Variants in E2F6 observed in about 807,000 individuals in gnomAD.
E2F6 encodes the protein E2F transcription factor 6, also known as transcription factor E2F6.
In E2F6, 19 loss-of-function variants were observed where a neutral mutation model predicts 31.5. The observed-to-expected ratio is 0.60, with a 90% confidence interval of 0.42 to 0.89. The LOEUF (loss-of-function observed/expected upper bound fraction) is 0.89. E2F6 is among the 40% of genes least tolerant of loss of function. The pLI is 0.00. For synonymous variants in E2F6, 121 were observed against 127.7 expected, an observed-to-expected ratio of 0.95 and a Z score of 0.36; for missense variants, 269 against 341.6, an observed-to-expected ratio of 0.79 and a Z score of 1.67.
Position 11,455,451 on chromosome 2 carries a change from TTC to T in E2F6, c.164-1655_164-1654del, listed in dbSNP as rs1671344764. 3.9e-6 allele frequency: 5 copies of T among 1,295,714 alleles called. 1 individual carries two copies. The South Asian group carries it at 6.3e-5, about 16-fold the overall frequency. 80.3% of individuals were successfully genotyped at this position (1,295,714 alleles called of 1,614,324 possible). Reference sequence around the variant, plus strand: ...GTACATATTTCATAATATAAATGTCTTCTCTCTGGAGCCCATTCCTACACTTA... The same window carrying T: ...GTACATATTTCATAATATAAATGTCTTCTCTGGAGCCCATTCCTACACTTA... On this transcript the variant is annotated intron_variant, in intron 2 of 6. Coordinates refer to ENST00000381525, the MANE Select transcript of E2F6 (RefSeq NM_198256.4).
chr2:11,456,877 G>A, intron 2 of E2F6: 2 of 327,982 alleles, frequency 6.1e-6, no homozygotes, highest in South Asian at 7.0e-5. Flanking sequence ...GCCTCTAACA[G>A]ATACCCTAAA....
chr2:11,452,448 A>G (rs1671128259), intron 3 of E2F6, among the ~76,000 whole-genome samples: 1 of 152,200 alleles, frequency 6.6e-6, no homozygotes. Context: ...TACTAAAAAT[A>G]CAAAAATTAG....
At chr2:11,465,123 A>G (rs1033214208) in intron 1 of E2F6, among the ~76,000 whole-genome samples, 2 of 143,274 alleles carry the variant, frequency 1.4e-5, no homozygotes, top group African/African-American at 5.2e-5. Context: ...GGTTGCAGTG[A>G]GCTGAGATTG....
intron 1 of E2F6, chr2:11,458,213 G>T: frequency 4.6e-6 from 7 of 1,526,502 alleles, no homozygotes; most frequent in South Asian, 1.2e-5. Flanking sequence ...TGGGGCAAGT[G>T]AATTCATAGG....
At chr2:11,452,958 G>A (rs1671163622) in intron 3 of E2F6, among the ~76,000 whole-genome samples, 1 of 152,050 alleles carries the variant, frequency 6.6e-6, no homozygotes, top group South Asian at 2.1e-4. Context: ...GTCTTTGCTG[G>A]TAGGTTTTCA....
intron 1 of E2F6, among the ~76,000 whole-genome samples, chr2:11,457,721 T>G (rs184528165): frequency 6.6e-6 from 1 of 152,342 alleles, no homozygotes; most frequent in East Asian, 1.9e-4. Flanking sequence ...TTGGGAAAGC[T>G]TAGTAGAGAT....
chr2:11,465,596 A>G (rs1348839413), intron 1 of E2F6, among the ~76,000 whole-genome samples, 176 bp downstream of exon 1: 10 of 152,242 alleles, frequency 6.6e-5, no homozygotes, highest in Admixed American at 3.9e-4. Flanking sequence ...CACGTCTGTG[A>G]GCAGATGCTG....
At chr2:11,447,178 G>T (rs1371976700) in intron 6 of E2F6, among the ~76,000 whole-genome samples, 2 of 152,200 alleles carry the variant, frequency 1.3e-5, no homozygotes, top group Non-Finnish European at 2.9e-5. Flanking sequence ...CAGAGGCGAC[G>T]TCCTTAGAAA....
chr2:11,459,328 T>C (rs1413141131), intron 1 of E2F6, among the ~76,000 whole-genome samples: 1 of 152,172 alleles, frequency 6.6e-6, no homozygotes, highest in Non-Finnish European at 1.5e-5. Flanking sequence ...CCATCTCATC[T>C]AGACAGTGGA....
intron 1 of E2F6, among the ~76,000 whole-genome samples, chr2:11,462,819 T>C (rs534569806): frequency 2.0e-5 from 3 of 152,172 alleles, no homozygotes; most frequent in Non-Finnish European, 2.9e-5. Flanking sequence ...TGGCAAGCAG[T>C]TTAAAACTAA....
At chr2:11,461,135 C>T (rs997461360) in intron 1 of E2F6, among the ~76,000 whole-genome samples, 2 of 152,122 alleles carry the variant, frequency 1.3e-5, no homozygotes, top group African/African-American at 4.8e-5. Context: ...AATTAATCCC[C>T]TTAGACAGGG....
chr2:11,454,221 CT>C (rs1202819430), intron 2 of E2F6, among the ~76,000 whole-genome samples: 1 of 152,138 alleles, frequency 6.6e-6, no homozygotes. Flanking sequence ...GAATTGGCGG[CT>C]TTTTTTCCCC....
intron 1 of E2F6, among the ~76,000 whole-genome samples, chr2:11,462,942 T>C (rs891338988): frequency 6.6e-6 from 1 of 152,114 alleles, no homozygotes; most frequent in Non-Finnish European, 1.5e-5. Context: ...GAAACCTAAG[T>C]AGGAAGGTCT....
In E2F6 at chr2:11,457,283, C is replaced by T. The variant is rs748048306; in HGVS notation, c.109-50G>A. On this transcript the variant is annotated intron_variant, in intron 1 of 6. Coordinates refer to ENST00000381525, the MANE Select transcript of E2F6 (RefSeq NM_198256.4). The stretch of plus-strand genomic sequence containing the variant: ...ACTTAGTGATTTTAAAACAACAATG[C>T]AAACAAATAGCATTTTACTCAATAG... 3 of 1,129,372 alleles carry T rather than the reference C, an allele frequency of 2.7e-6. No homozygotes were observed. In the Admixed American group the frequency reaches 5.4e-5, roughly 20 times the overall value. The allele number at this position is 1,129,372 out of a possible 1,614,324, so 70.0% of individuals were successfully genotyped here.
chr2:11,462,200 T>G (rs1325216739), intron 1 of E2F6, among the ~76,000 whole-genome samples: 2 of 152,192 alleles, frequency 1.3e-5, no homozygotes, highest in East Asian at 1.9e-4. Context: ...CCCTGACCAA[T>G]AGAGTAATAA....
chr2:11,453,835 A>ATTTTAAATTT, intron 2 of E2F6, 37 bp from the exon 3 acceptor site: 1 of 1,546,890 alleles, frequency 6.5e-7, no homozygotes, highest in Non-Finnish European at 8.8e-7. Context: ...AAAATTTTAA[A>ATTTTAAATTT]TAACATTTCT....
chr2:11,459,290 G>A (rs1671614334), intron 1 of E2F6, among the ~76,000 whole-genome samples: 1 of 152,084 alleles, frequency 6.6e-6, no homozygotes, highest in Non-Finnish European at 1.5e-5. Flanking sequence ...GCATTCTAGG[G>A]TGTCTTCTCT....
intron 3 of E2F6, 33 bp from the exon 4 acceptor site, chr2:11,451,839 C>A: frequency 6.3e-7 from 1 of 1,581,366 alleles, no homozygotes; most frequent in South Asian, 1.2e-5. Context: ...GCATCAATAC[C>A]AACTAGGAGA....
At chr2:11,458,634 A>C (rs1204451022) in intron 1 of E2F6, among the ~76,000 whole-genome samples, 1 of 152,234 alleles carries the variant, frequency 6.6e-6, no homozygotes, top group Non-Finnish European at 1.5e-5. Context: ...AATATGGCAA[A>C]AGGACTGGGA....
Sources: allele counts gnomAD v4.1 joint callset (sites outside exome capture counted in the v4.1 genomes callset), GRCh38; gene constraint gnomAD v4.1.1; transcripts MANE v1.5; gene names NCBI Gene and HGNC (gene_info 2026-07-23, HGNC 2026-07-21).